The following PLCH2 variants were observed in gnomAD, a reference collection of about 807,000 sequenced individuals.
PLCH2 encodes the protein 1-phosphatidylinositol 4,5-bisphosphate phosphodiesterase eta-2.
PLCH2 carries 98 observed loss-of-function variants against 134.7 expected under a neutral mutation model. The observed-to-expected ratio is 0.73, with a 90% CI of 0.62 to 0.86. The LOEUF (loss-of-function observed/expected upper bound fraction) is 0.86, where lower values mean the gene tolerates loss of function less well. Ranked by LOEUF, PLCH2 falls within the 40% of genes least tolerant of loss-of-function variation. PLCH2 has a pLI of 0.00. For missense variants in PLCH2, 1,994 were observed against 1,986.6 expected (o/e 1.00, Z -0.07); for synonymous variants, 974 against 827.5 (o/e 1.18, Z -3.04).
rs891060387 is a variant in PLCH2 at position 2,439,579 on chromosome 1, G to A, written c.115+8950G>A. 4.6e-5 allele frequency among the ~76,000 whole-genome samples: 7 copies of A among 152,208 alleles called. No individual in the cohort carries two copies. Among genetic ancestry groups the A allele is most frequent in the African/African-American group, 1.7e-4 (7 of 41,456 alleles). On this transcript the variant is annotated intron_variant, in intron 2 of 3. Transcript: ENST00000609981. This position sits in a 1 kb window ranked among gnomAD's most constrained non-coding sequence, Gnocchi z 4.7. Reference sequence around the variant, plus strand: ...CGATTAAGCCCATTGATTGAGTTGCGTGCACGTGCTCTCTCTGCAGTGCTC... The same window carrying A: ...CGATTAAGCCCATTGATTGAGTTGCATGCACGTGCTCTCTCTGCAGTGCTC...
chr1:2,466,088 C>T (rs1641045174), upstream of PLCH2, among the ~76,000 whole-genome samples: 1 of 152,186 alleles, frequency 6.6e-6, no homozygotes, highest in Admixed American at 6.5e-5. Context: ...CACTGGTTGC[C>T]TCTGGCACAC....
chr1:2,472,376 G>GC, upstream of PLCH2, among the ~76,000 whole-genome samples: 2 of 152,320 alleles, frequency 1.3e-5, no homozygotes, highest in East Asian at 3.9e-4. Flanking sequence ...CACAGCCTCA[G>GC]CCCCTCCTGC....
chr1:2,462,704 C>T (rs1284310775), upstream of PLCH2, among the ~76,000 whole-genome samples: 1 of 152,132 alleles, frequency 6.6e-6, no homozygotes, highest in Non-Finnish European at 1.5e-5. Flanking sequence ...GGTGGTTTCA[C>T]ATGGGGCCCT....
upstream of PLCH2, among the ~76,000 whole-genome samples, chr1:2,465,531 G>T (rs1641017293): frequency 6.6e-6 from 1 of 152,156 alleles, no homozygotes; most frequent in Non-Finnish European, 1.5e-5. Context: ...AAACTCCCTG[G>T]GGCCTGGCTC....
At chr1:2,484,321 G>A in intron 4 of PLCH2, 127 bp from the exon 5 acceptor site, 1 of 866,132 alleles carries the variant, frequency 1.2e-6, no homozygotes, top group Non-Finnish European at 1.8e-6. Context: ...CGTGACAAGG[G>A]CAGTGGAGTA....
intron 21 of PLCH2, chr1:2,503,445 A>G (rs1228782297): frequency 1.7e-6 from 1 of 600,448 alleles, no homozygotes; most frequent in African/African-American, 1.9e-5. Flanking sequence ...TGCGTGGAGT[A>G]GATTCCCTGG....
At chr1:2,497,818 G>A (rs1368106128) in intron 16 of PLCH2, 1 of 520,570 alleles carries the variant, frequency 1.9e-6, no homozygotes, top group Non-Finnish European at 3.4e-6. Flanking sequence ...GCAAAGAAGG[G>A]CCCAGCTCCG....
chr1:2,498,566 C>T lies in PLCH2; in HGVS notation c.2268C>T (p.Leu756=). ...CGGAGGACCCCCTGCCCGGGCAGCTCAAGAAGCAGCTGGTGCTCCGGATCA... is the reference window on the plus strand; with the variant it reads ...CGGAGGACCCCCTGCCCGGGCAGCTTAAGAAGCAGCTGGTGCTCCGGATCA... The part of the protein sequence containing the change: ...PNSEDPLPGQ[L]KKQLVLRIIS... The change falls in exon 17 of 22, where the codon CTC becomes CTT. Residue 756 remains leucine, a synonymous_variant. Coordinates refer to ENST00000378486, the MANE Select transcript of PLCH2 (RefSeq NM_014638.4). The surrounding 1 kb of genome is among the most constrained non-coding windows in gnomAD (Gnocchi z 5.4). The T allele has an allele frequency of 6.2e-7, 1 of 1,606,038 alleles. No individual in the cohort carries two copies. The highest frequency in any genetic ancestry group is 8.5e-7 in the Non-Finnish European group (1 of 1,178,072).
chr1:2,495,398 G>A (rs141755777), intron 12 of PLCH2, 90 bp from the exon 13 acceptor site: 26 of 1,120,408 alleles, frequency 2.3e-5, no homozygotes, highest in Middle Eastern at 2.1e-4. Context: ...TGGGGACCCC[G>A]GAGGATAGGC....
At chr1:2,499,038 G>A in intron 18 of PLCH2, 46 bp from the exon 19 acceptor site, 1 of 1,581,982 alleles carries the variant, frequency 6.3e-7, no homozygotes, top group South Asian at 1.2e-5. Flanking sequence ...GCGGTGCTGG[G>A]CCGGGCCCTC....
At chr1:2,495,452 G>A in intron 12 of PLCH2, 36 bp from the exon 13 acceptor site, 1 of 1,539,034 alleles carries the variant, frequency 6.5e-7, no homozygotes, top group Non-Finnish European at 8.8e-7. Context: ...GCCTGGGCCA[G>A]AGGCCCTACA....
At chr1:2,458,893 C>T (rs145016820) in intron 2 of PLCH2, among the ~76,000 whole-genome samples, 13 of 152,380 alleles carry the variant, frequency 8.5e-5, no homozygotes, top group South Asian at 2.1e-4. Flanking sequence ...TGTCCCCGTG[C>T]GCTGTGATGT....
chr1:2,444,931 C>T lies in PLCH2; in HGVS notation c.115+14302C>T, dbSNP rs143896965. Reference sequence around the variant, plus strand: ...TGTCTGATCCTAGAGACTCCTTCAGCGAGGTGCAGCCTCAGAGGGGATTCA... The same window carrying T: ...TGTCTGATCCTAGAGACTCCTTCAGTGAGGTGCAGCCTCAGAGGGGATTCA... On this transcript the variant is annotated intron_variant, in intron 2 of 3. Coordinates refer to the PLCH2 transcript ENST00000609981. This position sits in a 1 kb window ranked among gnomAD's most constrained non-coding sequence, Gnocchi z 4.6. Among the ~76,000 whole-genome samples the T allele has an allele frequency of 2.0e-5, 3 of 152,206 alleles. No homozygotes were observed. Among genetic ancestry groups the T allele is most frequent in the South Asian group, 2.1e-4 (1 of 4,828 alleles).
chr1:2,476,105 G>T (rs561285237), upstream of PLCH2, among the ~76,000 whole-genome samples: 6 of 152,324 alleles, frequency 3.9e-5, no homozygotes, highest in African/African-American at 1.4e-4. Flanking sequence ...GGGCCCTCCC[G>T]TTGGTCCTGC....
At chr1:2,479,414 C>T (rs757388583) in intron 2 of PLCH2, 25 of 267,632 alleles carry the variant, frequency 9.3e-5, no homozygotes, top group South Asian at 2.5e-4. Flanking sequence ...AACGTGGAGA[C>T]GTGCTGGTTA....
chr1:2,500,751 G>A (rs1643173208), intron 20 of PLCH2: 1 of 151,650 alleles, frequency 6.6e-6, no homozygotes, highest in African/African-American at 2.4e-5. Flanking sequence ...GGTTCAGCTG[G>A]GTGGCCGCCT....
rs575945039 is a variant in PLCH2, at chr1:2,498,699, G to A, written c.2350-45G>A. 2 of 1,556,002 alleles carry A rather than the reference G, an allele frequency of 1.3e-6. No individual in the cohort carries two copies. The highest frequency in any genetic ancestry group is 2.3e-5 in the East Asian group (1 of 42,734). On this transcript the variant is annotated intron_variant, in intron 17 of 21. Transcript: ENST00000378486. The surrounding 1 kb of genome is among the most constrained non-coding windows in gnomAD (Gnocchi z 5.4). Reference sequence around the variant, plus strand: ...AGGGGTGGGAGTTGGGGGCGGGCCGGGCATCGCGATGGGCCCTGATGCCAC... The same window carrying A: ...AGGGGTGGGAGTTGGGGGCGGGCCGAGCATCGCGATGGGCCCTGATGCCAC...
chr1:2,502,205 C>A lies in PLCH2; in HGVS notation c.2755C>A (p.Pro919Thr). 1 of 1,538,092 alleles carries A rather than the reference C, an allele frequency of 6.5e-7. No homozygotes were observed. Among genetic ancestry groups the A allele is most frequent in the Non-Finnish European group, 8.7e-7 (1 of 1,144,084 alleles). Residue 919 changes from proline (P) to threonine (T), a missense_variant, in exon 21 of 22, where the codon CCC becomes ACC. Physicochemically the swap from Pro to Thr is conservative, Grantham distance 38. Around this residue, in one of 2 missense-constraint regions of PLCH2, gnomAD observed 900 missense variants for 752.3 expected, o/e 1.20. Coordinates refer to ENST00000378486, the MANE Select transcript of PLCH2 (RefSeq NM_014638.4). ...SHAAGRPPARPSVSQRILRRT... is the reference protein window; with the variant it reads ...SHAAGRPPARTSVSQRILRRT... ...TGCTGCTGGGCGGCCCCCGGCCCGG[C>A]CCTCCGTTAGCCAGCGGATCCTGCG...
upstream of PLCH2, among the ~76,000 whole-genome samples, chr1:2,462,582 G>C (rs545933375): frequency 6.6e-6 from 1 of 152,042 alleles, no homozygotes; most frequent in Non-Finnish European, 1.5e-5. Flanking sequence ...TGGGTGGCCC[G>C]TGGTCAGTCT....
Sources: gnomAD v4.1 joint callset for allele counts (sites outside exome capture counted in the v4.1 genomes callset) on GRCh38, gnomAD v4.1.1 for gene constraint, gnomAD v4.1.1 regional missense constraint, Gnocchi (gnomAD v3.1) non-coding constraint, MANE v1.5 for transcripts, NCBI Gene and HGNC (gene_info 2026-07-23, HGNC 2026-07-21) for gene names.